The following CBFA2T2 variants were observed in gnomAD, a reference collection of about 807,000 sequenced individuals.
CBFA2T2 encodes CBFA2/RUNX1 partner transcriptional co-repressor 2.
In CBFA2T2, 11 loss-of-function variants were observed where a neutral mutation model predicts 62.2. That is an observed-to-expected ratio of 0.18 (90% CI 0.11 to 0.29). CBFA2T2 has a LOEUF of 0.29. Ranked by LOEUF, CBFA2T2 falls within the 10% of genes least tolerant of loss-of-function variation. The pLI, the probability that CBFA2T2 is intolerant of heterozygous loss-of-function variation, is 1.00. For missense variants in CBFA2T2, 592 were observed against 774.1 expected, an observed-to-expected ratio of 0.76 and a Z score of 2.79; for synonymous variants, 295 against 287.5, an observed-to-expected ratio of 1.03 and a Z score of -0.27.
At chr20:33,555,270 T>TA (rs764259452) in intron 1 of CBFA2T2, among the ~76,000 whole-genome samples, 258 of 141,654 alleles carry the variant, frequency 1.8e-3, no homozygotes, top group Middle Eastern at 7.2e-3. Flanking sequence ...CTGCCCAATT[T>TA]AAAAAAAAAA....
At chr20:33,597,926 AAG>A (rs1266277161) in intron 1 of CBFA2T2, among the ~76,000 whole-genome samples, 2 of 152,178 alleles carry the variant, frequency 1.3e-5, no homozygotes, top group South Asian at 4.1e-4. Context: ...CAGAGTACAA[AAG>A]AGAGAAATTT....
intron 1 of CBFA2T2, among the ~76,000 whole-genome samples, chr20:33,507,409 A>C (rs745887108): frequency 6.6e-6 from 1 of 152,190 alleles, no homozygotes; most frequent in African/African-American, 2.4e-5. Flanking sequence ...TGTTTCAAAA[A>C]AGGCTTCTTA....
chr20:33,548,944 TAGAGCA>T (rs1189525079), intron 1 of CBFA2T2, among the ~76,000 whole-genome samples: 8 of 151,896 alleles, frequency 5.3e-5, no homozygotes. Flanking sequence ...TCCTGGATGA[TAGAGCA>T]AGACCCTGTC....
At chr20:33,642,108 TTTTTTTTTTGTGTGTGTGTGTGTGTG>T (rs1289290357) in intron 10 of CBFA2T2, among the ~76,000 whole-genome samples, 30 of 55,386 alleles carry the variant, frequency 5.4e-4, no homozygotes, top group African/African-American at 1.2e-3. Flanking sequence ...CCTTTGTCTT[TTTTTTTTTTGTGTGTGTGTGTGTGTG>T]TGTGTGTGTG....
At chr20:33,539,246 G>T (rs1388315658) in intron 1 of CBFA2T2, among the ~76,000 whole-genome samples, 1 of 152,182 alleles carries the variant, frequency 6.6e-6, no homozygotes, top group East Asian at 1.9e-4. Flanking sequence ...TATGTCATGT[G>T]AATTGAAAGA....
chr20:33,550,619 A>ATTTATTTG (rs1402523468), intron 1 of CBFA2T2, among the ~76,000 whole-genome samples: 1 of 151,786 alleles, frequency 6.6e-6, no homozygotes, highest in African/African-American at 2.4e-5. Flanking sequence ...TTATTTATTT[A>ATTTATTTG]TTTATTTATT....
chr20:33,583,958 A>G (rs147620035), intron 1 of CBFA2T2, among the ~76,000 whole-genome samples: 1,851 of 151,424 alleles, frequency 0.012, 40 homozygotes, highest in African/African-American at 0.042. Context: ...TTGTTTATTT[A>G]TTTATTTGAG....
intron 9 of CBFA2T2, among the ~76,000 whole-genome samples, chr20:33,638,328 C>T (rs2016702893): frequency 6.6e-6 from 1 of 152,008 alleles, no homozygotes; most frequent in Non-Finnish European, 1.5e-5. Context: ...TTGGGAGATA[C>T]CTTTGGTTAA....
intron 1 of CBFA2T2, among the ~76,000 whole-genome samples, chr20:33,592,607 C>T (rs2014710833): frequency 1.3e-5 from 2 of 151,860 alleles, no homozygotes. Context: ...TCCCTGTAGT[C>T]CCAGTTACTT....
At chr20:33,492,683 T>C (rs1305064897) in intron 1 of CBFA2T2, among the ~76,000 whole-genome samples, 1 of 151,832 alleles carries the variant, frequency 6.6e-6, no homozygotes, top group African/African-American at 2.4e-5. Flanking sequence ...GCTAATTTTT[T>C]TATTTTTTGT....
chr20:33,511,549 G>A (rs2011512192), intron 1 of CBFA2T2, among the ~76,000 whole-genome samples: 1 of 152,044 alleles, frequency 6.6e-6, no homozygotes, highest in South Asian at 2.1e-4. Context: ...TAAAAAAATG[G>A]TTTATGTAAA....
chr20:33,491,225 A>G lies in CBFA2T2; in HGVS notation c.34+924A>G, dbSNP rs75876723. 6.0e-4 allele frequency among the ~76,000 whole-genome samples: 92 copies of G among 152,284 alleles called. 2 individuals carry two copies. The East Asian group carries it at 0.017, about 27-fold the overall frequency. Reference sequence around the variant, plus strand: ...GCACCAGACATTTTGCATTCTATTCACTTAATATTTATTAAATCATATAGT... The same window carrying G: ...GCACCAGACATTTTGCATTCTATTCGCTTAATATTTATTAAATCATATAGT... On this transcript the variant is annotated intron_variant, in intron 1 of 10. Transcript: ENST00000342704.
intron 1 of CBFA2T2, among the ~76,000 whole-genome samples, chr20:33,582,024 G>T (rs1257428794): frequency 1.3e-5 from 2 of 152,134 alleles, no homozygotes; most frequent in African/African-American, 4.8e-5. Context: ...GTACTTATAA[G>T]ATTCAGCTAA....
At chr20:33,604,040 C>T (rs2015244123) in intron 1 of CBFA2T2, among the ~76,000 whole-genome samples, 1 of 152,178 alleles carries the variant, frequency 6.6e-6, no homozygotes, top group South Asian at 2.1e-4. Context: ...TGCCACCCAG[C>T]TTCCATCAAA....
At chr20:33,591,762 T>C (rs1465135592) in intron 1 of CBFA2T2, among the ~76,000 whole-genome samples, 3 of 147,726 alleles carry the variant, frequency 2.0e-5, no homozygotes, top group Non-Finnish European at 4.4e-5. Flanking sequence ...TCTCTTTTGC[T>C]CCTCAGACTG....
chr20:33,529,683 CAAAA>C (rs199664317), intron 1 of CBFA2T2, among the ~76,000 whole-genome samples: 4 of 135,112 alleles, frequency 3.0e-5, no homozygotes, highest in Admixed American at 7.7e-5. Flanking sequence ...AAAAAACAAA[CAAAA>C]AAAAACTAGG....
At chr20:33,526,435 G>A (rs766420729) in intron 1 of CBFA2T2, among the ~76,000 whole-genome samples, 3 of 152,108 alleles carry the variant, frequency 2.0e-5, no homozygotes, top group East Asian at 3.8e-4. Context: ...AACGTTTGTA[G>A]CAATAAAAAT....
chr20:33,524,501 AGTT>A (rs1338859926), intron 1 of CBFA2T2, among the ~76,000 whole-genome samples: 1 of 152,098 alleles, frequency 6.6e-6, no homozygotes, highest in Non-Finnish European at 1.5e-5. Flanking sequence ...CCCGCTTTGT[AGTT>A]GTTTTTCTTG....
intron 1 of CBFA2T2, among the ~76,000 whole-genome samples, chr20:33,526,722 C>T (rs1402855901): frequency 7.1e-6 from 1 of 141,298 alleles, no homozygotes; most frequent in Non-Finnish European, 1.6e-5. Flanking sequence ...TCAGCAAGGC[C>T]AAATTTTCAA....
Sources: gnomAD v4.1 joint callset for allele counts (sites outside exome capture counted in the v4.1 genomes callset) on GRCh38, gnomAD v4.1.1 for gene constraint, MANE v1.5 for transcripts, NCBI Gene and HGNC (gene_info 2026-07-23, HGNC 2026-07-21) for gene names.